BCL11A: variants seen among roughly 807,000 people sequenced by gnomAD.
BCL11A encodes the protein B cell CLL/lymphoma 11A.
A neutral mutation model predicts 55.9 loss-of-function variants in BCL11A; 2 were observed. That is an observed-to-expected ratio of 0.04 (90% CI 0.01 to 0.11). The LOEUF is 0.11. Ranked by LOEUF, BCL11A falls within the 10% of genes least tolerant of loss-of-function variation. BCL11A has a pLI of 1.00. For missense variants in BCL11A, 817 were observed against 1,137.1 expected (o/e 0.72, Z 4.05); for synonymous variants, 465 against 473.4 (o/e 0.98, Z 0.23).
At chr2:60,500,844 A>G (rs1294521308) in intron 2 of BCL11A, among the ~76,000 whole-genome samples, 1 of 151,976 alleles carries the variant, frequency 6.6e-6, no homozygotes, top group Admixed American at 6.5e-5. Flanking sequence ...CAGCTCTTTA[A>G]CCTCTCCAAG....
chr2:60,519,721 G>T (rs1482883188), intron 2 of BCL11A, among the ~76,000 whole-genome samples: 1 of 152,234 alleles, frequency 6.6e-6, no homozygotes, highest in Non-Finnish European at 1.5e-5. Flanking sequence ...GACACATGCA[G>T]CTGGGAGCCA....
At chr2:60,525,570 G>A (rs1255526298) in intron 2 of BCL11A, 1 of 151,976 alleles carries the variant, frequency 6.6e-6, no homozygotes, top group Non-Finnish European at 1.5e-5. Flanking sequence ...AAAATAGCAG[G>A]GAGAAAACTG....
rs1676129914 is a variant in BCL11A at position 60,459,765 on chromosome 2, A to G, written c.*639T>C. 4.8e-6 allele frequency: 5 copies of G among 1,040,868 alleles called. No homozygotes were observed. The highest frequency in any genetic ancestry group is 5.8e-6 in the Non-Finnish European group (5 of 863,702). 64.5% of individuals were successfully genotyped at this position (1,040,868 alleles called of 1,614,324 possible). ...TTCAAGGCCTTTTTTCTTCCTTTCC[A>G]ATTGATACATTTAACCCTTTAGAGA... On this transcript the variant is annotated 3_prime_UTR_variant, in exon 4 of 4. Transcript: ENST00000642384.
intron 3 of BCL11A, 110 bp downstream of exon 3, chr2:60,468,622 C>A: frequency 1.3e-6 from 1 of 763,388 alleles, no homozygotes; most frequent in South Asian, 1.6e-5. Context: ...ATACATATGA[C>A]AATCTATTTT....
chr2:60,482,210 C>T (rs912144917), intron 2 of BCL11A, among the ~76,000 whole-genome samples: 7 of 151,250 alleles, frequency 4.6e-5, no homozygotes, highest in Non-Finnish European at 8.8e-5. Context: ...GTTTTTTGTT[C>T]GGGTTGTGGT....
intron 2 of BCL11A, among the ~76,000 whole-genome samples, chr2:60,480,532 T>C (rs573861874): frequency 2.1e-4 from 32 of 152,256 alleles, no homozygotes; most frequent in African/African-American, 7.5e-4. Flanking sequence ...TAGTAAATGA[T>C]TCACTAACCA....
At chr2:60,502,301 T>G (rs892314142) in intron 2 of BCL11A, among the ~76,000 whole-genome samples, 1 of 151,968 alleles carries the variant, frequency 6.6e-6, no homozygotes, top group African/African-American at 2.4e-5. Context: ...AGTCAGGGAG[T>G]AGGTAAACAG....
chr2:60,521,101 T>TCACA (rs10607148), intron 2 of BCL11A, among the ~76,000 whole-genome samples: 7 of 26,608 alleles, frequency 2.6e-4, no homozygotes, highest in African/African-American at 5.2e-4. Context: ...ACACACACAC[T>TCACA]CACACACACA....
chr2:60,461,014 G>T lies in BCL11A; in HGVS notation c.1898C>A (p.Ser633Tyr), dbSNP rs932512867. Residue 633 changes from serine (S) to tyrosine (Y), a missense_variant, in exon 4 of 4, where the codon TCT becomes TAT. Physicochemically the swap from Ser to Tyr is moderately radical, Grantham distance 144 (BLOSUM62 -2). Coordinates refer to ENST00000642384, the MANE Select transcript of BCL11A (RefSeq NM_022893.4). ...CTCCTTCTCGAGCTTGATGCGCTTA[G>T]AGAAGGGGCTCAGCGAGCTGGGGCT... Reference protein sequence around the residue: ...LGSPSSLSPFSKRIKLEKEFD... With the variant: ...LGSPSSLSPFYKRIKLEKEFD... 1 of 1,608,262 alleles carries T rather than the reference G, an allele frequency of 6.2e-7. No individual in the cohort carries two copies. The highest frequency in any genetic ancestry group is 1.3e-5 in the African/African-American group (1 of 74,946).
rs866545562 is a variant in BCL11A at position 60,460,729 on chromosome 2, G to A, written c.2183C>T (p.Pro728Leu). ...TTTTGAGCTGGGCCTGCCCGGGCCC[G>A]GACCACTAATATGGGGCGTGCTCCC... ...SGGSTPHISG[P>L]GPGRPSSKEG... The change falls in exon 4 of 4, where the codon CCG (proline) becomes CTG (leucine). Residue 728 changes from proline to leucine, a missense_variant. Coordinates refer to ENST00000642384, the MANE Select transcript of BCL11A (RefSeq NM_022893.4). 3.1e-6 allele frequency: 5 copies of A among 1,613,970 alleles called. No individual in the cohort carries two copies. The highest frequency in any genetic ancestry group is 1.7e-5 in the Admixed American group (1 of 60,010).
intron 2 of BCL11A, among the ~76,000 whole-genome samples, chr2:60,516,780 G>A (rs1668750250): frequency 6.6e-6 from 1 of 152,188 alleles, no homozygotes; most frequent in Non-Finnish European, 1.5e-5. Flanking sequence ...AAAGCAAGCA[G>A]GACATAAGAG....
At chr2:60,529,279 G>A (rs1669342702) in intron 2 of BCL11A, among the ~76,000 whole-genome samples, 1 of 152,146 alleles carries the variant, frequency 6.6e-6, no homozygotes. Context: ...GCCCAGCACT[G>A]AGCCCAGCGC....
intron 2 of BCL11A, among the ~76,000 whole-genome samples, chr2:60,539,521 T>C (rs1231563452): frequency 2.0e-5 from 3 of 152,176 alleles, no homozygotes; most frequent in Non-Finnish European, 4.4e-5. Context: ...AGCTGGCCAG[T>C]AAAAAGCAGG....
At chr2:60,475,674 G>A (rs969310154) in intron 2 of BCL11A, among the ~76,000 whole-genome samples, 5 of 152,108 alleles carry the variant, frequency 3.3e-5, no homozygotes, top group Non-Finnish European at 5.9e-5. Flanking sequence ...GGATAGGGGT[G>A]CCCTTACTCC....
At chr2:60,456,406 A>G (rs968058208), downstream of BCL11A, among the ~76,000 whole-genome samples, 2 of 152,228 alleles carry the variant, frequency 1.3e-5, no homozygotes, top group African/African-American at 4.8e-5. Context: ...GTCAGAAGAT[A>G]ATTGAAGGGT....
At chr2:60,479,263 G>C (rs528942503) in intron 2 of BCL11A, among the ~76,000 whole-genome samples, 1 of 152,190 alleles carries the variant, frequency 6.6e-6, no homozygotes, top group Non-Finnish European at 1.5e-5. Flanking sequence ...GCAGGTCCAC[G>C]TGGGGACTCA....
At chr2:60,536,011 C>T (rs1300180800) in intron 2 of BCL11A, 1 of 152,266 alleles carries the variant, frequency 6.6e-6, no homozygotes, top group Admixed American at 6.5e-5. Flanking sequence ...TGAACTCCTC[C>T]TCTTCCTCCC....
chr2:60,466,338 C>T lies in BCL11A; in HGVS notation c.487+2394G>A, dbSNP rs571943775. 3.3e-5 allele frequency among the ~76,000 whole-genome samples: 5 copies of T among 152,278 alleles called. No homozygotes were observed. The South Asian group carries it at 1.0e-3, about 32-fold the overall frequency. On this transcript the variant is annotated intron_variant, in intron 3 of 3. Transcript: ENST00000642384. ...TTCTATCCCTTCCCTCCAAAAGTGG[C>T]TCCGTTTCCACAGCCCCATGCAGGC... is the stretch of plus-strand genomic sequence containing the variant.
At chr2:60,486,884 G>A (rs932648368) in intron 2 of BCL11A, among the ~76,000 whole-genome samples, 4 of 152,296 alleles carry the variant, frequency 2.6e-5, no homozygotes, top group Admixed American at 6.5e-5. Context: ...CTCAGCCCAC[G>A]CCCTTTCATG....
Sources: gnomAD v4.1 joint callset for allele counts (sites outside exome capture counted in the v4.1 genomes callset) on GRCh38, gnomAD v4.1.1 for gene constraint, MANE v1.5 for transcripts, NCBI Gene and HGNC (gene_info 2026-07-23, HGNC 2026-07-21) for gene names.